DNAI2: variants seen among roughly 807,000 people sequenced by gnomAD.
DNAI2 encodes the protein dynein, axonemal, intermediate polypeptide 2.
A neutral mutation model predicts 74.7 loss-of-function variants in DNAI2; 63 were observed. That is an observed-to-expected ratio of 0.84 (90% CI 0.69 to 1.04). The LOEUF is 1.04. DNAI2 is among the 50% of genes least tolerant of loss of function. The pLI is 0.00. For synonymous variants in DNAI2, 289 were observed against 314.9 expected (o/e 0.92, Z 0.87); for missense variants, 688 against 803.2 (o/e 0.86, Z 1.73).
Position 74,314,640 on chromosome 17 carries a change from G to A in DNAI2, c.*107G>A, listed in dbSNP as rs897389033. ...GGCAGGGCCTCGGGAAGACCTTCAG[G>A]AGTGGGGAAGGGTTTCTCCTCCATG... On this transcript the variant is annotated 3_prime_UTR_variant, in exon 14 of 14. Transcript: ENST00000311014. 7.8e-6 allele frequency: 2 copies of A among 257,596 alleles called. No individual in the cohort carries two copies. Among genetic ancestry groups the A allele is most frequent in the Non-Finnish European group, 1.6e-5 (2 of 127,712 alleles). 16.0% of individuals were successfully genotyped at this position (257,596 alleles called of 1,614,324 possible).
At chr17:74,286,326 ATAATAATAATAAT>A (rs1395812882) in intron 3 of DNAI2, among the ~76,000 whole-genome samples, 1 of 149,026 alleles carries the variant, frequency 6.7e-6, no homozygotes, top group Non-Finnish European at 1.5e-5. Flanking sequence ...AATAATAATA[ATAATAATAATAAT>A]TTTGTTTGTC....
chr17:74,277,493 C>T (rs2051162641), intron 1 of DNAI2, among the ~76,000 whole-genome samples: 1 of 152,160 alleles, frequency 6.6e-6, no homozygotes, highest in East Asian at 1.9e-4. Context: ...TGGGGTGGTA[C>T]TGTCTTCAAG....
Position 74,310,133 on chromosome 17 carries a change from C to T in DNAI2, c.1464C>T (p.Leu488=). 1.2e-6 allele frequency: 2 copies of T among 1,613,772 alleles called. No individual in the cohort carries two copies. Among genetic ancestry groups the T allele is most frequent in the Non-Finnish European group, 1.7e-6 (2 of 1,180,020 alleles). The change falls in exon 11 of 14, where the codon CTC becomes CTT. Residue 488 remains leucine (L), a synonymous_variant. Transcript: ENST00000311014. The part of the protein sequence containing the change: ...LLEVSPGLST[L]QRNEKNVASS... Reference sequence around the variant, plus strand: ...AGGTCTCGCCTGGGCTCTCTACCCTCCAGAGGAATGAGAAGAACGTAGCCT... The same window carrying T: ...AGGTCTCGCCTGGGCTCTCTACCCTTCAGAGGAATGAGAAGAACGTAGCCT...
At chr17:74,313,597 A>G (rs952741806) in intron 12 of DNAI2, among the ~76,000 whole-genome samples, 3 of 152,180 alleles carry the variant, frequency 2.0e-5, no homozygotes, top group Non-Finnish European at 4.4e-5. Flanking sequence ...CATGGCTTGA[A>G]CATTCTACAT....
rs2144031315 is a variant in DNAI2 at position 74,300,470 on chromosome 17, A to G, written c.865-576A>G. ...CACTTCACACACTATTCTGTACTCGATGTTTTCCATTGTGTGTACCTTGGA... is the reference window on the plus strand; with the variant it reads ...CACTTCACACACTATTCTGTACTCGGTGTTTTCCATTGTGTGTACCTTGGA... On this transcript the variant is annotated intron_variant, in intron 7 of 13. Coordinates refer to ENST00000311014, the MANE Select transcript of DNAI2 (RefSeq NM_023036.6). This position sits in a 1 kb window ranked among gnomAD's most constrained non-coding sequence, Gnocchi z 4.5. Among the ~76,000 whole-genome samples, 1 of 152,144 alleles carries G rather than the reference A, an allele frequency of 6.6e-6. No homozygotes were observed. Among genetic ancestry groups the G allele is most frequent in the South Asian group, 2.1e-4 (1 of 4,812 alleles).
intron 3 of DNAI2, among the ~76,000 whole-genome samples, chr17:74,286,339 T>TAATAATAAC (rs1164567375): frequency 1.3e-5 from 2 of 148,174 alleles, no homozygotes; most frequent in South Asian, 4.3e-4. Context: ...ATAATAATAA[T>TAATAATAAC]TTTGTTTGTC....
intron 9 of DNAI2, among the ~76,000 whole-genome samples, chr17:74,308,625 G>A (rs942462732): frequency 1.3e-5 from 2 of 152,044 alleles, no homozygotes; most frequent in Non-Finnish European, 1.5e-5. Flanking sequence ...GGGCTCAAGC[G>A]ATCCTCCCAT....
intron 4 of DNAI2, 58 bp from the exon 5 acceptor site, chr17:74,289,533 AAGG>A (rs2051955662): frequency 3.8e-6 from 6 of 1,576,086 alleles, no homozygotes; most frequent in Admixed American, 3.8e-5. Context: ...AAAAAAAAAA[AAGG>A]GGGAGAAATT....
Position 74,281,433 on chromosome 17 carries a change from AT to A in DNAI2, c.-11-369del, listed in dbSNP as rs2051381553. 4 of 440,256 alleles carry A rather than the reference AT, an allele frequency of 9.1e-6. No individual in the cohort carries two copies. In the South Asian group the frequency reaches 1.3e-4, roughly 15 times the overall value. The allele number at this position is 440,256 out of a possible 1,614,324, so 27.3% of individuals were successfully genotyped here. On this transcript the variant is annotated intron_variant, in intron 1 of 13. Coordinates refer to ENST00000311014, the MANE Select transcript of DNAI2 (RefSeq NM_023036.6). ...ACCACCATGCCCGGCTAATTTTTGTATTTTTGCAGAGATGGGGTTTCACCAT... is the reference window on the plus strand; with the variant it reads ...ACCACCATGCCCGGCTAATTTTTGTATTTTGCAGAGATGGGGTTTCACCAT...
chr17:74,297,040 CCTTA>C (rs1192324203), intron 6 of DNAI2, among the ~76,000 whole-genome samples: 1 of 152,098 alleles, frequency 6.6e-6, no homozygotes, highest in African/African-American at 2.4e-5. Flanking sequence ...TTTTGGAGGT[CCTTA>C]CTTCACGGAT....
At chr17:74,283,723 G>T (rs2051518679) in intron 2 of DNAI2, among the ~76,000 whole-genome samples, 1 of 151,250 alleles carries the variant, frequency 6.6e-6, no homozygotes, top group South Asian at 2.1e-4. Flanking sequence ...GGGCAACATG[G>T]CGAAACACCG....
At chr17:74,276,366 G>A (rs1039246410) in intron 1 of DNAI2, among the ~76,000 whole-genome samples, 2 of 152,114 alleles carry the variant, frequency 1.3e-5, no homozygotes, top group African/African-American at 2.4e-5. Flanking sequence ...TGGGACTCTA[G>A]GTTCCCACGG....
intron 6 of DNAI2, among the ~76,000 whole-genome samples, chr17:74,295,774 A>G (rs189786341): frequency 6.6e-6 from 1 of 152,028 alleles, no homozygotes; most frequent in African/African-American, 2.4e-5. Flanking sequence ...TCATTAATAC[A>G]TTTTCTTAGC....
chr17:74,282,071 G>T lies in DNAI2; in HGVS notation c.183+71G>T. On this transcript the variant is annotated intron_variant, in intron 2 of 13. Coordinates refer to ENST00000311014, the MANE Select transcript of DNAI2 (RefSeq NM_023036.6). Reference sequence around the variant, plus strand: ...CAGGGCGGCCAGCTGGGGCCGGTGAGTGGTTCTGTGGGTCCTTGTCCACCT... The same window carrying T: ...CAGGGCGGCCAGCTGGGGCCGGTGATTGGTTCTGTGGGTCCTTGTCCACCT... The T allele has an allele frequency of 1.9e-6, 3 of 1,570,066 alleles. No individual in the cohort carries two copies. In the South Asian group the frequency reaches 3.3e-5, roughly 17 times the overall value.
intron 6 of DNAI2, among the ~76,000 whole-genome samples, chr17:74,297,538 C>T (rs1205156639): frequency 3.3e-5 from 5 of 151,890 alleles, no homozygotes; most frequent in Non-Finnish European, 5.9e-5. Context: ...CATGCCACCA[C>T]GCCTGGCTAA....
At position 74,312,020 on chromosome 17, in the gene DNAI2, C is replaced by G. The variant is rs1273766803; in HGVS notation, c.1512C>G (p.Thr504=). 6.2e-7 allele frequency: 1 copy of G among 1,611,678 alleles called. No individual in the cohort carries two copies. The highest frequency in any genetic ancestry group is 1.7e-5 in the Admixed American group (1 of 60,016). ...NVASSMFERE[T]RREKILEARH... is the part of the protein sequence containing the mutation. ...GTGCCCAGATGTTTGAGCGTGAGAC[C>G]CGGCGAGAGAAGATCCTGGAGGCCA... Residue 504 remains threonine, a synonymous_variant, in exon 12 of 14, where the codon ACC becomes ACG. Coordinates refer to ENST00000311014, the MANE Select transcript of DNAI2 (RefSeq NM_023036.6).
intron 8 of DNAI2, among the ~76,000 whole-genome samples, chr17:74,304,783 G>A (rs2053083979): frequency 6.6e-6 from 1 of 152,198 alleles, no homozygotes; most frequent in Non-Finnish European, 1.5e-5. Context: ...ACAATGCTAT[G>A]ACAAATGTCA....
At chr17:74,287,551 G>A (rs2051826292) in intron 4 of DNAI2, among the ~76,000 whole-genome samples, 1 of 152,216 alleles carries the variant, frequency 6.6e-6, no homozygotes, top group Non-Finnish European at 1.5e-5. Context: ...GATATTCACT[G>A]CAGAGGGTGT....
At chr17:74,296,349 G>GAGAGAGAGAGAGAGAGAGAA (rs2052438928) in intron 6 of DNAI2, among the ~76,000 whole-genome samples, 1 of 129,904 alleles carries the variant, frequency 7.7e-6, no homozygotes, top group Non-Finnish European at 1.7e-5. Context: ...AGAGAGAGGA[G>GAGAGAGAGAGAGAGAGAGAA]AGAGAGAGGA....
Sources: gnomAD v4.1 joint callset for allele counts (sites outside exome capture counted in the v4.1 genomes callset) on GRCh38, gnomAD v4.1.1 for gene constraint, Gnocchi (gnomAD v3.1) non-coding constraint, MANE v1.5 for transcripts, NCBI Gene and HGNC (gene_info 2026-07-23, HGNC 2026-07-21) for gene names.